Variants in ELOVL5 observed in about 807,000 individuals in gnomAD.
The protein encoded by ELOVL5 is ELOVL fatty acid elongase 5.
Under a neutral mutation model 38.6 loss-of-function variants are expected in ELOVL5, and 8 were observed. That is an observed-to-expected ratio of 0.21 (90% CI 0.12 to 0.37). The LOEUF (loss-of-function observed/expected upper bound fraction) is 0.37. Among genes scored for constraint, ELOVL5 ranks in the 10% least tolerant of loss-of-function variants. The pLI is 1.00. For missense variants in ELOVL5, 280 were observed against 367.8 expected, an observed-to-expected ratio of 0.76 and a Z score of 1.95; for synonymous variants, 127 against 133.7, an observed-to-expected ratio of 0.95 and a Z score of 0.34.
At position 53,311,126 on chromosome 6, in the gene ELOVL5, G is replaced by C. The variant is rs144860923; in HGVS notation, c.-8-15419C>G. On this transcript the variant is annotated intron_variant, in intron 1 of 7. Coordinates refer to ENST00000304434, the MANE Select transcript of ELOVL5 (RefSeq NM_021814.5). ...TCAAGTCTGGTGCTCTGGCAGGAGA[G>C]GTAGGCAGTTACACAATTTTCTCTT... Among the ~76,000 whole-genome samples the C allele has an allele frequency of 2.6e-3, 401 of 152,270 alleles. 8 individuals carry two copies. The highest frequency in any genetic ancestry group is 9.3e-3 in the African/African-American group (385 of 41,528).
Position 53,287,893 on chromosome 6 carries a change from G to A in ELOVL5, c.246+3883C>T, listed in dbSNP as rs1040772055. ...TTCTGGCAGCTGCTGCTGAGTCGAA[G>A]GATCAGTTCGTGAGGCACAGGCAGA... is the stretch of plus-strand genomic sequence containing the variant. On this transcript the variant is annotated intron_variant, in intron 3 of 7. Transcript: ENST00000304434. 94 of 1,535,504 alleles carry A rather than the reference G, an allele frequency of 6.1e-5. No individual in the cohort carries two copies. The highest frequency in any genetic ancestry group is 7.9e-5 in the Non-Finnish European group (91 of 1,146,822).
chr6:53,301,511 C>A (rs188610154), intron 1 of ELOVL5, among the ~76,000 whole-genome samples: 7 of 152,156 alleles, frequency 4.6e-5, no homozygotes, highest in African/African-American at 1.4e-4. Context: ...CACGCTGACA[C>A]CAAGCCAAAG....
intron 2 of ELOVL5, 55 bp from the exon 3 acceptor site, chr6:53,292,018 G>A (rs1324484614): frequency 1.7e-5 from 21 of 1,209,518 alleles, no homozygotes; most frequent in Admixed American, 1.3e-4. Context: ...CTTTTCAAAC[G>A]TTGAAAAAAT....
chr6:53,269,849 T>G (rs912890975), intron 7 of ELOVL5, among the ~76,000 whole-genome samples: 1 of 152,164 alleles, frequency 6.6e-6, no homozygotes, highest in African/African-American at 2.4e-5. Flanking sequence ...CCACTGAAAC[T>G]CAACATGCCA....
At chr6:53,280,773 G>C (rs568510798) in intron 3 of ELOVL5, among the ~76,000 whole-genome samples, 3 of 152,182 alleles carry the variant, frequency 2.0e-5, no homozygotes, top group African/African-American at 7.2e-5. Context: ...TTATATTTTT[G>C]TTGTAAAGAT....
chr6:53,320,374 TCGCC>T lies in ELOVL5; in HGVS notation c.-8-24671_-8-24668del, dbSNP rs1247345122. ...TTTTTTGAGACATAGTTGCGCTCTGTCGCCCAGGCTGGAGTGCAGTGGCGCGATC... is the reference window on the plus strand; with the variant it reads ...TTTTTTGAGACATAGTTGCGCTCTGTCAGGCTGGAGTGCAGTGGCGCGATC... On this transcript the variant is annotated intron_variant, in intron 1 of 7. Coordinates refer to ENST00000304434, the MANE Select transcript of ELOVL5 (RefSeq NM_021814.5). Among the ~76,000 whole-genome samples, 3 of 151,824 alleles carry T rather than the reference TCGCC, an allele frequency of 2.0e-5. No individual in the cohort carries two copies. The East Asian group carries it at 5.9e-4, about 30-fold the overall frequency.
At chr6:53,331,194 G>A (rs1216007063) in intron 1 of ELOVL5, among the ~76,000 whole-genome samples, 3 of 152,038 alleles carry the variant, frequency 2.0e-5, no homozygotes, top group Non-Finnish European at 4.4e-5. Context: ...AGGCATGGTG[G>A]TACATACCTG....
In ELOVL5 at chr6:53,302,248, G is replaced by A. The variant is rs376646646; in HGVS notation, c.-8-6541C>T. Among the ~76,000 whole-genome samples the A allele has an allele frequency of 5.3e-5, 8 of 152,336 alleles. 1 individual carries two copies. The highest frequency in any genetic ancestry group is 1.9e-4 in the African/African-American group (8 of 41,572). On this transcript the variant is annotated intron_variant, in intron 1 of 7. Transcript: ENST00000304434. ...CCCTCCAGGGGCAAGTATATGCCCA[G>A]GTGAATCACGTGTGGGAGGTTAAGT...
At chr6:53,288,727 G>A (rs1201278600) in intron 3 of ELOVL5, among the ~76,000 whole-genome samples, 1 of 152,096 alleles carries the variant, frequency 6.6e-6, no homozygotes, top group Non-Finnish European at 1.5e-5. Flanking sequence ...TAAAGTTTCA[G>A]TGACTTCCTT....
At chr6:53,313,964 C>T (rs371015736) in intron 1 of ELOVL5, among the ~76,000 whole-genome samples, 16 of 152,200 alleles carry the variant, frequency 1.1e-4, no homozygotes, top group Middle Eastern at 3.2e-3. Flanking sequence ...GTGGATGTTT[C>T]CCAGAAAAGG....
chr6:53,269,755 G>A (rs191963443), intron 7 of ELOVL5, among the ~76,000 whole-genome samples: 155 of 152,286 alleles, frequency 1.0e-3, no homozygotes, highest in African/African-American at 3.5e-3. Flanking sequence ...CAGCTTCATC[G>A]GGTCCTATCC....
intron 5 of ELOVL5, 24 bp downstream of exon 5, chr6:53,275,066 C>T (rs1561862914): frequency 6.2e-7 from 1 of 1,610,528 alleles, no homozygotes; most frequent in Non-Finnish European, 8.5e-7. Flanking sequence ...ACCTGTTCCC[C>T]AAGTCCCCGT....
intron 1 of ELOVL5, among the ~76,000 whole-genome samples, chr6:53,296,215 A>T (rs990750849): frequency 9.2e-5 from 14 of 151,996 alleles, no homozygotes; most frequent in South Asian, 4.2e-4. Context: ...ATTAAAAATT[A>T]AAAAAAAGGG....
At chr6:53,316,408 A>C (rs914903210) in intron 1 of ELOVL5, among the ~76,000 whole-genome samples, 3 of 152,162 alleles carry the variant, frequency 2.0e-5, no homozygotes, top group African/African-American at 7.2e-5. Flanking sequence ...GAAGCTCTGC[A>C]AAGAGAGTAA....
At chr6:53,320,529 G>A (rs1768261174) in intron 1 of ELOVL5, among the ~76,000 whole-genome samples, 1 of 151,762 alleles carries the variant, frequency 6.6e-6, no homozygotes, top group African/African-American at 2.4e-5. Flanking sequence ...TAGAAATGGG[G>A]TTTCACCATG....
At chr6:53,288,082 C>A in intron 3 of ELOVL5, 1 of 753,316 alleles carries the variant, frequency 1.3e-6, no homozygotes, top group South Asian at 1.6e-5. Context: ...AACACTCTAA[C>A]AAAGGAGTTA....
intron 1 of ELOVL5, among the ~76,000 whole-genome samples, chr6:53,302,918 C>T (rs534767944): frequency 2.2e-4 from 34 of 152,056 alleles, no homozygotes; most frequent in African/African-American, 7.7e-4. Flanking sequence ...GGTTATTGTT[C>T]ACCTAAAAAT....
chr6:53,323,659 C>T (rs528349104), intron 1 of ELOVL5, among the ~76,000 whole-genome samples: 6 of 146,520 alleles, frequency 4.1e-5, no homozygotes, highest in East Asian at 2.1e-4. Flanking sequence ...CTCGGCTCAC[C>T]GCAACCTCCG....
intron 1 of ELOVL5, among the ~76,000 whole-genome samples, chr6:53,341,079 A>T (rs924371842): frequency 8.5e-5 from 13 of 152,198 alleles, no homozygotes; most frequent in Admixed American, 8.5e-4. Flanking sequence ...GGGCTTTTGA[A>T]CACTGATTTC....
Sources: gnomAD v4.1 joint callset for allele counts (sites outside exome capture counted in the v4.1 genomes callset) on GRCh38, gnomAD v4.1.1 for gene constraint, MANE v1.5 for transcripts, NCBI Gene and HGNC (gene_info 2026-07-23, HGNC 2026-07-21) for gene names.